FRMD6: variants seen among roughly 807,000 people sequenced by gnomAD.
The protein encoded by FRMD6 is FERM domain-containing protein 6.
A neutral mutation model predicts 73.2 loss-of-function variants in FRMD6; 37 were observed. The ratio of observed to expected loss-of-function variants is 0.51; its 90% CI spans 0.39 to 0.66. The LOEUF is 0.66. Ranked by LOEUF, FRMD6 falls within the 30% of genes least tolerant of loss-of-function variation. The pLI is 0.00. For missense variants in FRMD6, 714 were observed against 780.5 expected, an observed-to-expected ratio of 0.91 and a Z score of 1.02; for synonymous variants, 273 against 282.2, an observed-to-expected ratio of 0.97 and a Z score of 0.33.
chr14:51,701,062 A>G lies in FRMD6; in HGVS notation c.197A>G (p.Glu66Gly). The change falls in exon 4 of 14, where the codon GAA becomes GGA. Residue 66 changes from glutamate to glycine, a missense_variant. By Grantham distance (98) the Glu-to-Gly change is moderately conservative (BLOSUM62 -2). Coordinates refer to ENST00000344768, the MANE Select transcript of FRMD6 (RefSeq NM_001267046.2). ...LFGLSVIQNNEHVYMELSQKL... is the reference protein window; with the variant it reads ...LFGLSVIQNNGHVYMELSQKL... The stretch of plus-strand genomic sequence containing the variant: ...CCTTTTTTTTAATGTACAGATAATG[A>G]ACATGTGTATATGGAGTTGTCACAA... 1 of 1,496,534 alleles carries G rather than the reference A, an allele frequency of 6.7e-7. No individual in the cohort carries two copies. Among genetic ancestry groups the G allele is most frequent in the Non-Finnish European group, 9.1e-7 (1 of 1,104,252 alleles). The allele number at this position is 1,496,534 out of a possible 1,614,324, so 92.7% of individuals were successfully genotyped here.
At chr14:51,701,610 A>G (rs892936371) in intron 4 of FRMD6, among the ~76,000 whole-genome samples, 9 of 147,962 alleles carry the variant, frequency 6.1e-5, no homozygotes, top group African/African-American at 2.0e-4. Context: ...TACTTAGTAT[A>G]TATAAAAAAT....
intron 11 of FRMD6, among the ~76,000 whole-genome samples, 196 bp from the exon 12 acceptor site, chr14:51,721,753 A>AGGAAGGGAGGAAGGAG (rs1555340785): frequency 9.2e-6 from 1 of 108,706 alleles, no homozygotes; most frequent in East Asian, 2.5e-4. Flanking sequence ...GAAGGGAGGA[A>AGGAAGGGAGGAAGGAG]GGAAGGAGGG....
rs1898179438 is a variant in FRMD6 at position 51,730,046 on chromosome 14, G to C, written c.*2017G>C. ...TTCTTATGGATGATGCTTAAGCCTG[G>C]TGAGGTTTGTACTCTAAGGAGCCCA... On this transcript the variant is annotated 3_prime_UTR_variant, in exon 14 of 14. Transcript: ENST00000344768. 6.6e-6 allele frequency: 1 copy of C among 152,268 alleles called. No homozygotes were observed. The highest frequency in any genetic ancestry group is 1.5e-5 in the Non-Finnish European group (1 of 68,030). The allele number at this position is 152,268 out of a possible 1,614,324, so 9.4% of individuals were successfully genotyped here. A position where few individuals can be genotyped will look rare whatever the true frequency, so the allele number is the denominator to read the frequency against.
intron 2 of FRMD6, among the ~76,000 whole-genome samples, chr14:51,586,800 G>C (rs897076247): frequency 6.6e-6 from 1 of 152,058 alleles, no homozygotes; most frequent in African/African-American, 2.4e-5. Context: ...CTGGAGTGCA[G>C]TGGCATGAGC....
chr14:51,476,023 G>A, the FRMD6 span, among the ~76,000 whole-genome samples: 1 of 152,128 alleles, frequency 6.6e-6, no homozygotes, highest in Non-Finnish European at 1.5e-5. Context: ...TTAGGACCCT[G>A]GGGCTGCCCT....
At chr14:51,664,914 G>C (rs936304293) in intron 1 of FRMD6, among the ~76,000 whole-genome samples, 1 of 152,158 alleles carries the variant, frequency 6.6e-6, no homozygotes, top group Admixed American at 6.5e-5. Flanking sequence ...GAATAATTTC[G>C]CAGTGCTGGG....
intron 9 of FRMD6, 31 bp from the exon 10 acceptor site, chr14:51,715,294 C>T (rs1340970401): frequency 1.4e-6 from 2 of 1,448,480 alleles, no homozygotes; most frequent in Non-Finnish European, 9.2e-7. Context: ...GATTTTTCTT[C>T]CTGAATTTGA....
At chr14:51,569,358 T>G (rs1211154884) in intron 1 of FRMD6, among the ~76,000 whole-genome samples, 2 of 152,120 alleles carry the variant, frequency 1.3e-5, no homozygotes, top group Non-Finnish European at 2.9e-5. Flanking sequence ...CCAAAATAGT[T>G]TGGTTACTAA....
chr14:51,491,075 G>A (rs1882976220), intron 1 of FRMD6, among the ~76,000 whole-genome samples: 1 of 152,156 alleles, frequency 6.6e-6, no homozygotes, highest in Admixed American at 6.6e-5. Context: ...TGGGGTGGGT[G>A]GAGCCCCTTC....
chr14:51,447,478 C>A, the FRMD6 span, among the ~76,000 whole-genome samples: 18 of 152,168 alleles, frequency 1.2e-4, no homozygotes, highest in Non-Finnish European at 2.5e-4. Flanking sequence ...CATTCTATTG[C>A]CTGAACATAC....
chr14:51,485,249 A>G (rs1395527656), upstream of FRMD6, among the ~76,000 whole-genome samples: 1 of 152,138 alleles, frequency 6.6e-6, no homozygotes, highest in Non-Finnish European at 1.5e-5. Flanking sequence ...CACCTACACA[A>G]GTCTCATGTC....
At position 51,715,761 on chromosome 14, in the gene FRMD6, A is replaced by T. The variant is rs557041357; in HGVS notation, c.1024+262A>T. Among the ~76,000 whole-genome samples the T allele has an allele frequency of 1.8e-3, 281 of 152,322 alleles. 1 individual carries two copies. Among genetic ancestry groups the T allele is most frequent in the South Asian group, 9.1e-3 (44 of 4,824 alleles). ...CAAGTACAGTCTCTAAGGTTTTCCC[A>T]TGCCTGACTTGAAAATACTTGCAAA... On this transcript the variant is annotated intron_variant, in intron 10 of 13. Coordinates refer to ENST00000344768, the MANE Select transcript of FRMD6 (RefSeq NM_001267046.2).
the FRMD6 span, among the ~76,000 whole-genome samples, chr14:51,464,375 C>A: frequency 1.1e-4 from 16 of 149,134 alleles, no homozygotes; most frequent in African/African-American, 3.8e-4. Context: ...GCACAGGTAC[C>A]CCTGAACTTA....
chr14:51,403,127 T>C, the FRMD6 span, among the ~76,000 whole-genome samples: 1 of 152,086 alleles, frequency 6.6e-6, no homozygotes, highest in Non-Finnish European at 1.5e-5. Context: ...AAGATAAAAG[T>C]AGATATATAA....
At chr14:51,651,795 CGGGGGCGGGGTCTCA>C (rs1051200830), upstream of FRMD6, 1 of 97,660 alleles carries the variant, frequency 1.0e-5, no homozygotes, top group Non-Finnish European at 2.0e-5. Context: ...TGGGGCGGGT[CGGGGGCGGGGTCTCA>C]GGGGGCGGGG....
the FRMD6 span, among the ~76,000 whole-genome samples, chr14:51,472,460 C>T: frequency 3.3e-5 from 5 of 152,084 alleles, no homozygotes; most frequent in Non-Finnish European, 5.9e-5. Context: ...CCTGCCACCA[C>T]GCCTGGCTAA....
At chr14:51,462,131 A>T in the FRMD6 span, among the ~76,000 whole-genome samples, 1 of 152,202 alleles carries the variant, frequency 6.6e-6, no homozygotes. Flanking sequence ...CATCTTTTAA[A>T]AAGCAGTGGG....
chr14:51,704,493 G>T, intron 5 of FRMD6: 1 of 405,450 alleles, frequency 2.5e-6, no homozygotes, highest in African/African-American at 2.0e-5. Context: ...TTCTCTGAAT[G>T]AATCAAATGC....
chr14:51,619,373 G>T (rs1037359577), intron 2 of FRMD6, among the ~76,000 whole-genome samples: 2 of 150,244 alleles, frequency 1.3e-5, no homozygotes, highest in Non-Finnish European at 3.0e-5. Flanking sequence ...AAGAGGAGGA[G>T]GATAAAGAAA....
Sources: allele counts gnomAD v4.1 joint callset (sites outside exome capture counted in the v4.1 genomes callset), GRCh38; gene constraint gnomAD v4.1.1; transcripts MANE v1.5; gene names NCBI Gene and HGNC (gene_info 2026-07-23, HGNC 2026-07-21).